ADGRL2: variants seen among roughly 807,000 people sequenced by gnomAD.
ADGRL2 encodes calcium-independent alpha-latrotoxin receptor 2.
In ADGRL2, 44 loss-of-function variants were observed where a neutral mutation model predicts 157.4. The observed-to-expected ratio is 0.28, with a 90% CI of 0.22 to 0.36. ADGRL2 has a LOEUF of 0.36. Ranked by LOEUF, ADGRL2 falls within the 10% of genes least tolerant of loss-of-function variation. The pLI, the probability that ADGRL2 is intolerant of heterozygous loss-of-function variation, is 1.00. For synonymous variants in ADGRL2, 585 were observed against 624.7 expected, an observed-to-expected ratio of 0.94 and a Z score of 0.95; for missense variants, 1,510 against 1,768.9, an observed-to-expected ratio of 0.85 and a Z score of 2.63.
chr1:81,462,886 G>A (rs534584603), intron 2 of ADGRL2, among the ~76,000 whole-genome samples: 3 of 152,016 alleles, frequency 2.0e-5, no homozygotes, highest in East Asian at 3.9e-4. Flanking sequence ...AGGCCGAGGC[G>A]GGTGGATTGC....
intron 2 of ADGRL2, among the ~76,000 whole-genome samples, chr1:81,464,108 TA>T (rs1253704494): frequency 6.6e-6 from 1 of 152,166 alleles, no homozygotes; most frequent in East Asian, 1.9e-4. Flanking sequence ...GATTGATACT[TA>T]AAGTGTTATC....
chr1:81,489,721 G>A (rs911774383), intron 2 of ADGRL2, among the ~76,000 whole-genome samples: 5 of 152,162 alleles, frequency 3.3e-5, no homozygotes, highest in African/African-American at 1.2e-4. Context: ...AGACAGAAGT[G>A]GCTCATCGCA....
intron 3 of ADGRL2, among the ~76,000 whole-genome samples, chr1:81,920,258 A>G (rs1391065793): frequency 6.6e-6 from 1 of 152,218 alleles, no homozygotes; most frequent in Non-Finnish European, 1.5e-5. Flanking sequence ...CAGGATTGAC[A>G]TGTCAATGTG....
intron 1 of ADGRL2, chr1:81,426,905 A>G: frequency 1.5e-6 from 1 of 683,816 alleles, no homozygotes; most frequent in Non-Finnish European, 2.7e-6. Context: ...GTATGGCAAG[A>G]CTGAAACCAT....
At chr1:81,646,307 A>G (rs544039408) in intron 3 of ADGRL2, among the ~76,000 whole-genome samples, 1 of 152,336 alleles carries the variant, frequency 6.6e-6, no homozygotes, top group Admixed American at 6.5e-5. Context: ...AAATAATCAT[A>G]TAAGAGAAAA....
intron 2 of ADGRL2, among the ~76,000 whole-genome samples, chr1:81,792,250 C>T (rs1168430523): frequency 2.6e-5 from 4 of 151,976 alleles, no homozygotes; most frequent in Non-Finnish European, 5.9e-5. Context: ...CAACTTTCCC[C>T]TGACATTAAA....
chr1:81,529,199 G>T (rs1338793402), intron 2 of ADGRL2, among the ~76,000 whole-genome samples: 1 of 152,208 alleles, frequency 6.6e-6, no homozygotes, highest in African/African-American at 2.4e-5. Flanking sequence ...AGTAGGAGCT[G>T]TGACCCCACA....
intron 2 of ADGRL2, among the ~76,000 whole-genome samples, chr1:81,509,372 TA>T (rs113097084): frequency 1.9e-3 from 277 of 144,030 alleles, no homozygotes; most frequent in Admixed American, 2.0e-3. Context: ...AGTGATATGG[TA>T]AAAAAAAAAA....
intron 2 of ADGRL2, among the ~76,000 whole-genome samples, chr1:81,528,855 A>G (rs1469850255): frequency 1.3e-5 from 2 of 152,132 alleles, no homozygotes; most frequent in African/African-American, 4.8e-5. Flanking sequence ...TCTATCTTGA[A>G]GGATGGGCAG....
chr1:81,761,197 T>C (rs2085869868), intron 1 of ADGRL2, among the ~76,000 whole-genome samples: 1 of 151,884 alleles, frequency 6.6e-6, no homozygotes, highest in Admixed American at 6.6e-5. Flanking sequence ...ATTCCAAAGA[T>C]ATCTTAACAC....
chr1:81,656,381 T>A (rs1449771702), intron 3 of ADGRL2, among the ~76,000 whole-genome samples: 3 of 152,148 alleles, frequency 2.0e-5, no homozygotes, highest in Admixed American at 1.3e-4. Flanking sequence ...GAAGTAGAAT[T>A]CAAACCTAGA....
Position 81,439,555 on chromosome 1 carries a change from A to T in ADGRL2, c.-301-5481A>T, listed in dbSNP as rs573689006. Reference sequence around the variant, plus strand: ...GAGCACGTGAGCAAGTGAGTGCAGGATCTGTCTGGCCACTCTGGGTGTCGA... The same window carrying T: ...GAGCACGTGAGCAAGTGAGTGCAGGTTCTGTCTGGCCACTCTGGGTGTCGA... On this transcript the variant is annotated intron_variant, in intron 1 of 24. Coordinates refer to the ADGRL2 transcript ENST00000370721. Among the ~76,000 whole-genome samples the T allele has an allele frequency of 2.0e-5, 3 of 152,342 alleles. No homozygotes were observed. The East Asian group carries it at 5.8e-4, about 29-fold the overall frequency.
intron 3 of ADGRL2, among the ~76,000 whole-genome samples, chr1:81,607,754 A>C (rs1355811034): frequency 6.6e-6 from 1 of 152,212 alleles, no homozygotes; most frequent in Admixed American, 6.5e-5. Context: ...ACTTCCTGAC[A>C]TGACTTGACA....
chr1:81,954,403 A>G (rs185721412), intron 10 of ADGRL2, among the ~76,000 whole-genome samples: 3 of 152,184 alleles, frequency 2.0e-5, no homozygotes, highest in Non-Finnish European at 2.9e-5. Context: ...GACCAGTGTC[A>G]TTTTCAGTAT....
chr1:81,895,120 G>A (rs2094354022), intron 2 of ADGRL2, among the ~76,000 whole-genome samples: 2 of 152,116 alleles, frequency 1.3e-5, no homozygotes, highest in African/African-American at 2.4e-5. Context: ...GTTGCGTGTG[G>A]TCACCTTTGG....
chr1:81,344,928 CA>C (rs1662372428), intron 1 of ADGRL2, among the ~76,000 whole-genome samples: 1 of 151,970 alleles, frequency 6.6e-6, no homozygotes, highest in South Asian at 2.1e-4. Context: ...ATTCATTCAT[CA>C]ATAATAAATT....
At chr1:81,356,001 T>A (rs1387791955) in intron 1 of ADGRL2, among the ~76,000 whole-genome samples, 1 of 152,156 alleles carries the variant, frequency 6.6e-6, no homozygotes, top group East Asian at 1.9e-4. Context: ...TATCTCAGGG[T>A]ATGAACAATG....
intron 6 of ADGRL2, among the ~76,000 whole-genome samples, chr1:81,945,399 T>G (rs2148986269): frequency 6.6e-6 from 1 of 152,174 alleles, no homozygotes; most frequent in East Asian, 1.9e-4. Flanking sequence ...AGTAAATTTT[T>G]TGTCATCCTC....
intron 1 of ADGRL2, among the ~76,000 whole-genome samples, chr1:81,318,820 CTT>C (rs1405752396): frequency 6.6e-6 from 1 of 151,210 alleles, no homozygotes; most frequent in Non-Finnish European, 1.5e-5. Flanking sequence ...ACTCACCTCT[CTT>C]AATGACTCCT....
Sources: gnomAD v4.1 joint callset for allele counts (sites outside exome capture counted in the v4.1 genomes callset) on GRCh38, gnomAD v4.1.1 for gene constraint, MANE v1.5 for transcripts, NCBI Gene and HGNC (gene_info 2026-07-23, HGNC 2026-07-21) for gene names.